Variants in UTY observed in about 807,000 individuals in gnomAD.
UTY encodes ubiquitously transcribed tetratricopeptide repeat containing, Y-linked.
In UTY, 12 loss-of-function variants were observed where a neutral mutation model predicts 32.5. The ratio of observed to expected loss-of-function variants is 0.37; its 90% CI spans 0.24 to 0.60. UTY has a LOEUF of 0.60. Ranked by LOEUF, UTY falls within the 20% of genes least tolerant of loss-of-function variation. The pLI is 0.69. For synonymous variants in UTY, 131 were observed against 103.4 expected (o/e 1.27, Z -1.62); for missense variants, 303 against 299.2 (o/e 1.01, Z -0.09).
chrY:13,354,652 T>G, intron 17 of UTY: 1 of 133,947 alleles, frequency 7.5e-6, no homozygotes, highest in Non-Finnish European at 1.4e-5. Context: ...AGCAATAAAA[T>G]ATTTTCAAAG....
At chrY:13,401,383 A>G in intron 6 of UTY, among the ~76,000 whole-genome samples, 1 of 34,206 alleles carries the variant, frequency 2.9e-5, no homozygotes. Context: ...GCAAGACAAT[A>G]CAGACTATTT....
intron 21 of UTY, among the ~76,000 whole-genome samples, chrY:13,319,570 G>A: frequency 3.0e-5 from 1 of 33,471 alleles, no homozygotes; most frequent in Non-Finnish European, 7.4e-5. Context: ...AGAGGTATGT[G>A]AGATTTTAAG....
intron 2 of UTY, among the ~76,000 whole-genome samples, chrY:13,473,724 T>A (rs2078749068): frequency 6.1e-5 from 2 of 32,668 alleles, no homozygotes. Context: ...TAAAGAAAAA[T>A]GATGTTAATC....
At chrY:13,408,963 C>T (rs2070459360) in intron 6 of UTY, among the ~76,000 whole-genome samples, 1 of 32,910 alleles carries the variant, frequency 3.0e-5, no homozygotes, top group African/African-American at 1.2e-4. Context: ...CAACCTTACT[C>T]GAAGGGTTTG....
chrY:13,413,899 G>A (rs2071324926), intron 5 of UTY, among the ~76,000 whole-genome samples: 2 of 34,219 alleles, frequency 5.8e-5, no homozygotes, highest in Non-Finnish European at 1.5e-4. Flanking sequence ...CAGCCTGCAG[G>A]GCCAACTGGG....
intron 3 of UTY, among the ~76,000 whole-genome samples, chrY:13,469,696 T>C (rs965475232): frequency 3.0e-5 from 1 of 33,542 alleles, no homozygotes; most frequent in Non-Finnish European, 7.4e-5. Context: ...CAGATCAGAC[T>C]TGCAATATTT....
At chrY:13,472,416 A>G in intron 2 of UTY, among the ~76,000 whole-genome samples, 2 of 33,049 alleles carry the variant, frequency 6.1e-5, no homozygotes, top group African/African-American at 1.2e-4. Context: ...AAAAAAAAAA[A>G]AGAGATATTG....
chrY:13,363,657 A>C (rs2063763841), intron 10 of UTY, among the ~76,000 whole-genome samples: 1 of 33,312 alleles, frequency 3.0e-5, no homozygotes, highest in African/African-American at 1.2e-4. Flanking sequence ...TTTATAGTAA[A>C]AAGAACTGCT....
At position 13,335,708 on chromosome Y, in the gene UTY, T is replaced by C. The variant is rs753708687; in HGVS notation, c.2689A>G (p.Thr897Ala). ...SLNSPHSGLH[T>A]VNGEGLGKSQ... is the part of the protein sequence containing the mutation. The stretch of plus-strand genomic sequence containing the variant: ...TTCCCCAGCCCCTCTCCATTGACTG[T>C]GTGTAATCCACTGTGAGGACTGTTA... The change falls in exon 18 of 30, where the codon ACA (threonine) becomes GCA (alanine). Residue 897 changes from threonine (T) to alanine (A), a missense_variant. Physicochemically the swap from Thr to Ala is moderately conservative, Grantham distance 58. Transcript: ENST00000545955. 7.5e-6 allele frequency: 3 copies of C among 399,172 alleles called. No individual in the cohort carries two copies. The highest frequency in any genetic ancestry group is 1.1e-5 in the Non-Finnish European group (3 of 283,726).
intron 17 of UTY, among the ~76,000 whole-genome samples, chrY:13,344,358 T>G: frequency 5.8e-5 from 2 of 34,424 alleles, no homozygotes; most frequent in African/African-American, 1.1e-4. Flanking sequence ...TGCCATCACT[T>G]GAGCCATTTG....
intron 21 of UTY, among the ~76,000 whole-genome samples, chrY:13,317,095 C>T (rs2059533999): frequency 3.0e-5 from 1 of 33,252 alleles, no homozygotes; most frequent in South Asian, 6.8e-4. Flanking sequence ...CCTGCGCCTC[C>T]TGGTATCAAG....
At chrY:13,302,373 A>G in intron 25 of UTY, among the ~76,000 whole-genome samples, 2 of 33,794 alleles carry the variant, frequency 5.9e-5, no homozygotes, top group Admixed American at 5.4e-4. Flanking sequence ...TAACATAAAA[A>G]ACAATTTACT....
intron 3 of UTY, among the ~76,000 whole-genome samples, chrY:13,465,191 G>A: frequency 1.2e-4 from 4 of 33,361 alleles, no homozygotes; most frequent in African/African-American, 4.7e-4. Flanking sequence ...ATCACTAACC[G>A]ATGTATAGTG....
chrY:13,386,948 A>G (rs752928953), intron 8 of UTY, among the ~76,000 whole-genome samples: 2 of 33,524 alleles, frequency 6.0e-5, no homozygotes, highest in Admixed American at 2.7e-4. Context: ...GCAGTGAGCT[A>G]AGACTGCGCC....
chrY:13,352,821 T>C (rs2062533295), intron 17 of UTY, among the ~76,000 whole-genome samples: 1 of 34,015 alleles, frequency 2.9e-5, no homozygotes. Flanking sequence ...GTGGTCTAGA[T>C]AAAAGCTGTC....
chrY:13,288,021 C>T (rs935648980), intron 27 of UTY, among the ~76,000 whole-genome samples: 1 of 31,906 alleles, frequency 3.1e-5, no homozygotes, highest in Non-Finnish European at 7.6e-5. Flanking sequence ...TGCAATTAGC[C>T]GAGCATGTAG....
chrY:13,386,627 G>T, intron 8 of UTY, among the ~76,000 whole-genome samples: 1 of 32,106 alleles, frequency 3.1e-5, no homozygotes, highest in Non-Finnish European at 7.6e-5. Flanking sequence ...ACTAATTCTA[G>T]TTTAGAATTA....
intron 28 of UTY, 56 bp downstream of exon 28, chrY:13,260,222 A>G: frequency 2.7e-6 from 1 of 371,802 alleles, no homozygotes; most frequent in Non-Finnish European, 3.8e-6. Flanking sequence ...AGCAACAACA[A>G]TTCAAAACCT....
At chrY:13,433,619 T>C (rs2074252791) in intron 4 of UTY, among the ~76,000 whole-genome samples, 2 of 33,642 alleles carry the variant, frequency 5.9e-5, no homozygotes, top group Non-Finnish European at 1.5e-4. Flanking sequence ...ACACAAACAG[T>C]TCTTTGCAAT....
Sources: allele counts gnomAD v4.1 joint callset (sites outside exome capture counted in the v4.1 genomes callset), GRCh38; gene constraint gnomAD v4.1.1; transcripts MANE v1.5; gene names NCBI Gene and HGNC (gene_info 2026-07-23, HGNC 2026-07-21).